The following MPP7 variants were observed in gnomAD, a reference collection of about 807,000 sequenced individuals.
MPP7 encodes MAGUK p55 subfamily member 7.
Under a neutral mutation model 76.5 loss-of-function variants are expected in MPP7, and 60 were observed. The observed-to-expected ratio is 0.78, with a 90% CI of 0.64 to 0.97. MPP7 has a LOEUF of 0.97. Ranked by LOEUF, MPP7 falls within the 50% of genes least tolerant of loss-of-function variation. The probability of loss-of-function intolerance (pLI) is 0.00; values close to 1 mark genes in which losing one functional copy is unlikely to be tolerated. For missense variants in MPP7, 641 were observed against 694.0 expected (o/e 0.92, Z 0.86); for synonymous variants, 237 against 244.5 (o/e 0.97, Z 0.29).
chr10:28,056,446 A>G, intron 16 of MPP7, 34 bp downstream of exon 16: 2 of 1,595,650 alleles, frequency 1.3e-6, no homozygotes, highest in Non-Finnish European at 1.7e-6. Context: ...GGTGTGGGCC[A>G]CCACACCTGG....
intron 13 of MPP7, among the ~76,000 whole-genome samples, chr10:28,062,531 A>AACACACACACACACAC (rs56923979): frequency 9.1e-5 from 12 of 132,298 alleles, no homozygotes; most frequent in African/African-American, 2.8e-4. Flanking sequence ...CATAATAGTA[A>AACACACACACACACAC]ACACACACAC....
At chr10:28,086,001 A>T (rs538527795) in intron 12 of MPP7, among the ~76,000 whole-genome samples, 21 of 152,324 alleles carry the variant, frequency 1.4e-4, no homozygotes, top group Non-Finnish European at 2.9e-4. Flanking sequence ...GACATGGATG[A>T]AGTTGGAAAC....
At chr10:28,325,129 A>G (rs1189945048) in intron 2 of MPP7, among the ~76,000 whole-genome samples, 2 of 152,146 alleles carry the variant, frequency 1.3e-5, no homozygotes, top group Admixed American at 6.5e-5. Flanking sequence ...CCTGAGCTCA[A>G]GTGATCCTCC....
chr10:28,218,047 A>G (rs952544302), intron 2 of MPP7, among the ~76,000 whole-genome samples: 1 of 152,250 alleles, frequency 6.6e-6, no homozygotes, highest in African/African-American at 2.4e-5. Context: ...CTAAATGAAA[A>G]TAACGATGTG....
chr10:28,158,587 T>C (rs1049245794), intron 3 of MPP7, among the ~76,000 whole-genome samples: 1 of 152,074 alleles, frequency 6.6e-6, no homozygotes, highest in Non-Finnish European at 1.5e-5. Flanking sequence ...GTTTCTCTAA[T>C]CAAGGTGACA....
chr10:28,108,964 G>A (rs985644011), intron 11 of MPP7, among the ~76,000 whole-genome samples: 1 of 151,940 alleles, frequency 6.6e-6, no homozygotes, highest in Admixed American at 6.6e-5. Flanking sequence ...TTAGGAGGAG[G>A]CTGTGGGAAT....
intron 12 of MPP7, among the ~76,000 whole-genome samples, chr10:28,078,832 T>TA (rs1306808943): frequency 3.3e-5 from 5 of 152,222 alleles, no homozygotes; most frequent in Non-Finnish European, 4.4e-5. Context: ...CATGGTTTTA[T>TA]AAAAAGTTTC....
chr10:28,265,166 AC>A (rs1840108175), intron 1 of MPP7, among the ~76,000 whole-genome samples: 1 of 152,220 alleles, frequency 6.6e-6, no homozygotes, highest in East Asian at 1.9e-4. Context: ...ATTTTTAAAA[AC>A]AGGTAGACCT....
At chr10:28,110,052 C>T (rs1564635017) in intron 11 of MPP7, among the ~76,000 whole-genome samples, 1 of 150,952 alleles carries the variant, frequency 6.6e-6, no homozygotes, top group African/African-American at 2.4e-5. Context: ...GAAAATTATA[C>T]GAGACTTGTC....
At chr10:28,233,092 ACT>A (rs1838943348) in intron 2 of MPP7, among the ~76,000 whole-genome samples, 2 of 151,998 alleles carry the variant, frequency 1.3e-5, no homozygotes, top group Non-Finnish European at 2.9e-5. Context: ...AATAAAATCA[ACT>A]CTCTAGCTAA....
chr10:28,158,174 GA>G (rs1836133422), intron 3 of MPP7, among the ~76,000 whole-genome samples: 1 of 152,212 alleles, frequency 6.6e-6, no homozygotes, highest in African/African-American at 2.4e-5. Flanking sequence ...CAAAACTGAT[GA>G]CTAGTCCCCA....
At position 28,240,959 on chromosome 10, in the gene MPP7, G is replaced by T. The variant is rs181718396; in HGVS notation, c.-131-2224C>A. Among the ~76,000 whole-genome samples the T allele has an allele frequency of 3.3e-3, 497 of 152,150 alleles. 4 individuals are homozygous for T. The highest frequency in any genetic ancestry group is 0.02 in the South Asian group (96 of 4,822). Reference sequence around the variant, plus strand: ...GTGAGTAGGTATTTATTATATGTGTGTGTATATATATGTAATTTAAGTTTC... The same window carrying T: ...GTGAGTAGGTATTTATTATATGTGTTTGTATATATATGTAATTTAAGTTTC... On this transcript the variant is annotated intron_variant, in intron 1 of 16. Transcript: ENST00000683449.
rs760172439 is a variant in MPP7, at chr10:28,212,366, G to GA, written c.38-10096dup. 9.3e-4 allele frequency among the ~76,000 whole-genome samples: 141 copies of GA among 151,948 alleles called. 1 individual carries two copies. Among genetic ancestry groups the GA allele is most frequent in the East Asian group, 3.7e-3 (19 of 5,162 alleles). On this transcript the variant is annotated intron_variant, in intron 2 of 16. Coordinates refer to ENST00000683449, the MANE Select transcript of MPP7 (RefSeq NM_001318170.2). ...GTCTGACTGAATGAGGGACATGGGG[G>GA]AAAAAAAATCAAACATAACTCCAAC...
chr10:28,245,334 T>G (rs979938922), intron 1 of MPP7, among the ~76,000 whole-genome samples: 1 of 152,132 alleles, frequency 6.6e-6, no homozygotes, highest in Non-Finnish European at 1.5e-5. Flanking sequence ...TAATTCTACA[T>G]TTTTTTGTTC....
At chr10:28,311,407 A>G (rs1432581769) in intron 2 of MPP7, among the ~76,000 whole-genome samples, 2 of 152,342 alleles carry the variant, frequency 1.3e-5, no homozygotes, top group Admixed American at 6.5e-5. Context: ...GGTCCCCAGC[A>G]TAGTATGTGA....
chr10:28,202,575 A>G (rs1170498866), intron 2 of MPP7, among the ~76,000 whole-genome samples: 1 of 152,234 alleles, frequency 6.6e-6, no homozygotes, highest in African/African-American at 2.4e-5. Context: ...GAAAACGCAT[A>G]CATTCCTTTC....
At chr10:28,291,727 A>G (rs1352858912) in intron 1 of MPP7, among the ~76,000 whole-genome samples, 1 of 152,254 alleles carries the variant, frequency 6.6e-6, no homozygotes, top group East Asian at 1.9e-4. Flanking sequence ...TTTTAATAAA[A>G]GAAAATATAT....
At chr10:28,240,388 T>C (rs1316437824) in intron 1 of MPP7, among the ~76,000 whole-genome samples, 1 of 152,164 alleles carries the variant, frequency 6.6e-6, no homozygotes, top group Non-Finnish European at 1.5e-5. Context: ...CTAAATTTGC[T>C]TTTTAATTGT....
intron 1 of MPP7, among the ~76,000 whole-genome samples, chr10:28,281,741 C>T (rs926663201): frequency 6.6e-6 from 1 of 151,988 alleles, no homozygotes; most frequent in Non-Finnish European, 1.5e-5. Flanking sequence ...CTCTAATTAG[C>T]CTGTTTCAGT....
Sources: allele counts gnomAD v4.1 joint callset (sites outside exome capture counted in the v4.1 genomes callset), GRCh38; gene constraint gnomAD v4.1.1; transcripts MANE v1.5; gene names NCBI Gene and HGNC (gene_info 2026-07-23, HGNC 2026-07-21).